Variants in SLC12A2 observed in about 807,000 individuals in gnomAD.
SLC12A2 encodes the protein Na-K-2Cl cotransporter 1.
Under a neutral mutation model 136.3 loss-of-function variants are expected in SLC12A2, and 67 were observed. The ratio of observed to expected loss-of-function variants is 0.49; its 90% CI spans 0.40 to 0.60. SLC12A2 has a LOEUF of 0.60. Ranked by LOEUF, SLC12A2 falls within the 20% of genes least tolerant of loss-of-function variation. SLC12A2 has a pLI of 0.00. For missense variants in SLC12A2, 1,322 were observed against 1,534.7 expected (o/e 0.86, Z 2.32); for synonymous variants, 619 against 562.9 (o/e 1.10, Z -1.41).
In SLC12A2 at chr5:128,084,828, G is replaced by GAATCCAGAGATGCCAGCAA; in HGVS notation, c.756+118_756+119insAATCCAGAGATGCCAGCAA. 1.8e-6 allele frequency: 2 copies of GAATCCAGAGATGCCAGCAA among 1,133,108 alleles called. No individual in the cohort carries two copies. The highest frequency in any genetic ancestry group is 2.4e-6 in the Non-Finnish European group (2 of 821,988). The allele number at this position is 1,133,108 out of a possible 1,614,324, so 70.2% of individuals were successfully genotyped here. ...GAGTAGTAGACGTGCACGACTTGCT[G>GAATCCAGAGATGCCAGCAA]GCATCTCTGGATTCAGCTGTCAAGG... On this transcript the variant is annotated intron_variant, in intron 1 of 26. Coordinates refer to ENST00000262461, the MANE Select transcript of SLC12A2 (RefSeq NM_001046.3). This position sits in a 1 kb window ranked among gnomAD's most constrained non-coding sequence, Gnocchi z 5.6.
At chr5:128,096,851 G>A (rs1023126427) in intron 1 of SLC12A2, among the ~76,000 whole-genome samples, 2 of 152,032 alleles carry the variant, frequency 1.3e-5, no homozygotes, top group African/African-American at 4.8e-5. Context: ...AAACGGCTTT[G>A]TGGTATCTTG....
At chr5:128,142,304 T>C (rs1248166353) in intron 10 of SLC12A2, among the ~76,000 whole-genome samples, 3 of 152,276 alleles carry the variant, frequency 2.0e-5, no homozygotes, top group South Asian at 2.1e-4. Flanking sequence ...GGTTTTACCA[T>C]GTTGGTTAGG....
intron 4 of SLC12A2, among the ~76,000 whole-genome samples, chr5:128,121,603 T>C (rs1228838941): frequency 1.3e-5 from 2 of 152,152 alleles, no homozygotes; most frequent in African/African-American, 4.8e-5. Context: ...ATTACAGGCT[T>C]GAGACACTGC....
intron 4 of SLC12A2, among the ~76,000 whole-genome samples, chr5:128,130,533 AAAGT>A (rs938432880): frequency 2.0e-5 from 3 of 150,524 alleles, no homozygotes; most frequent in African/African-American, 7.3e-5. Context: ...AAAAAAAAAA[AAAGT>A]CCGGTGTGGT....
intron 7 of SLC12A2, among the ~76,000 whole-genome samples, chr5:128,136,178 T>C (rs1762185802): frequency 6.6e-6 from 1 of 152,154 alleles, no homozygotes; most frequent in Non-Finnish European, 1.5e-5. Flanking sequence ...GCGCCTAAGA[T>C]TGTGAAAGCA....
chr5:128,188,685 T>G lies in SLC12A2; in HGVS notation c.*2054T>G, dbSNP rs1166131694. 2 of 149,384 alleles carry G rather than the reference T, an allele frequency of 1.3e-5. No homozygotes were observed. Among genetic ancestry groups the G allele is most frequent in the African/African-American group, 5.0e-5 (2 of 40,316 alleles). The allele number at this position is 149,384 out of a possible 1,614,324, so 9.3% of individuals were successfully genotyped here. ...CATGAGTATGACCTAGGTATAGAGA[T>G]CTGATAACTTGAATTCAGAATATTA... On this transcript the variant is annotated 3_prime_UTR_variant, in exon 27 of 27. Coordinates refer to ENST00000262461, the MANE Select transcript of SLC12A2 (RefSeq NM_001046.3).
At chr5:128,184,536 A>T in intron 25 of SLC12A2, 35 bp downstream of exon 25, 1 of 1,524,460 alleles carries the variant, frequency 6.6e-7, no homozygotes, top group Non-Finnish European at 8.8e-7. Context: ...TTAATCTTTT[A>T]TATAATAAAA....
Position 128,186,576 on chromosome 5 carries a change from C to T in SLC12A2, c.3584C>T (p.Pro1195Leu). 1.2e-6 allele frequency: 2 copies of T among 1,613,800 alleles called. No individual in the cohort carries two copies. The highest frequency in any genetic ancestry group is 1.7e-6 in the Non-Finnish European group (2 of 1,179,910). The change falls in exon 27 of 27, where the codon CCA becomes CTA. Residue 1195 changes from proline to leucine, a missense_variant. Physicochemically the swap from Pro to Leu is moderately conservative, Grantham distance 98 (BLOSUM62 -3). Transcript: ENST00000262461. The stretch of plus-strand genomic sequence containing the variant: ...TTAGAAGCTCTATCTAAGGACCTAC[C>T]ACCAATCCTCCTAGTTCGTGGGAAT... ...AWLEALSKDL[P>L]PILLVRGNHQ...
chr5:128,155,067 T>C (rs1441762873), intron 15 of SLC12A2, among the ~76,000 whole-genome samples: 1 of 152,084 alleles, frequency 6.6e-6, no homozygotes, highest in Non-Finnish European at 1.5e-5. Context: ...ACACAGGCAC[T>C]GCGATATGCA....
At chr5:128,109,719 A>G in intron 1 of SLC12A2, 5 of 1,169,898 alleles carry the variant, frequency 4.3e-6, no homozygotes, top group Non-Finnish European at 6.4e-6. Context: ...GCACCAGAGG[A>G]GCAATTCACT....
rs749800306 is a variant in SLC12A2 at position 128,135,736 on chromosome 5, A to G, written c.1336A>G (p.Ile446Val). Residue 446 changes from isoleucine (I) to valine (V), a missense_variant, in exon 7 of 27, where the codon ATT becomes GTT. Physicochemically the swap from Ile to Val is conservative, Grantham distance 29. Transcript: ENST00000262461. The stretch of plus-strand genomic sequence containing the variant: ...TCTTTTGGTGATCCTACTTCTTGCT[A>G]TTGGTGATTTCGTCATAGGAACATT... ...IVLLVILLLA[I>V]GDFVIGTFIP... is the part of the protein sequence containing the mutation. The G allele has an allele frequency of 1.9e-6, 3 of 1,612,344 alleles. No homozygotes were observed. The highest frequency in any genetic ancestry group is 1.1e-5 in the South Asian group (1 of 90,864).
chr5:128,093,049 T>C lies in SLC12A2; in HGVS notation c.756+8339T>C, dbSNP rs564870119. Among the ~76,000 whole-genome samples the C allele has an allele frequency of 9.2e-5, 14 of 152,318 alleles. 1 individual carries two copies. The highest frequency in any genetic ancestry group is 8.5e-4 in the Admixed American group (13 of 15,292). ...TCCTTACCTTTTACTCAAACTGCTG[T>C]AGTGTGGCTTCTATTTTGCATAAAT... On this transcript the variant is annotated intron_variant, in intron 1 of 26. Coordinates refer to ENST00000262461, the MANE Select transcript of SLC12A2 (RefSeq NM_001046.3).
Position 128,084,100 on chromosome 5 carries a change from C to T in SLC12A2, c.146C>T (p.Ala49Val). The T allele has an allele frequency of 7.6e-7, 1 of 1,312,804 alleles. No individual in the cohort carries two copies. Among genetic ancestry groups the T allele is most frequent in the Non-Finnish European group, 9.7e-7 (1 of 1,034,932 alleles). The allele number at this position is 1,312,804 out of a possible 1,614,324, so 81.3% of individuals were successfully genotyped here. ...VPSVPEDAAP[A>V]SRDGGGVRDE... ...TCGGTGCCGGAGGATGCTGCGCCCG[C>T]GAGCCGGGACGGCGGCGGGGTCCGC... The change falls in exon 1 of 27, where the codon GCG becomes GTG. Residue 49 changes from alanine (A) to valine (V), a missense_variant. Ala to Val is a moderately conservative substitution (Grantham distance 64, BLOSUM62 0). Coordinates refer to ENST00000262461, the MANE Select transcript of SLC12A2 (RefSeq NM_001046.3). The surrounding 1 kb of genome is among the most constrained non-coding windows in gnomAD (Gnocchi z 5.6).
chr5:128,164,686 A>G lies in SLC12A2; in HGVS notation c.2616+2886A>G, dbSNP rs192898781. 1.2e-4 allele frequency among the ~76,000 whole-genome samples: 19 copies of G among 152,238 alleles called. No homozygotes were observed. The East Asian group carries it at 3.5e-3, about 28-fold the overall frequency. ...ATTTGTTTGTACAGTGACTTTTTGTATAGTTGTAGAGATGCTGTTTTTAGA... is the reference window on the plus strand; with the variant it reads ...ATTTGTTTGTACAGTGACTTTTTGTGTAGTTGTAGAGATGCTGTTTTTAGA... On this transcript the variant is annotated intron_variant, in intron 17 of 26. Transcript: ENST00000262461.
intron 4 of SLC12A2, among the ~76,000 whole-genome samples, chr5:128,118,627 G>T (rs1365667898): frequency 6.6e-6 from 1 of 152,142 alleles, no homozygotes. Context: ...TGGGTATAGT[G>T]TATGCTGCTT....
intron 1 of SLC12A2, among the ~76,000 whole-genome samples, chr5:128,101,277 C>T (rs1317247839): frequency 6.6e-6 from 1 of 151,992 alleles, no homozygotes; most frequent in Admixed American, 6.6e-5. Context: ...AGAATAAAAC[C>T]GGCCACTTTG....
At chr5:128,087,074 A>G (rs919600024) in intron 1 of SLC12A2, among the ~76,000 whole-genome samples, 27 of 152,264 alleles carry the variant, frequency 1.8e-4, no homozygotes, top group African/African-American at 6.5e-4. Flanking sequence ...TTGTTAGGGA[A>G]AAGGACTGGA....
At chr5:128,100,496 A>T (rs985535243) in intron 1 of SLC12A2, among the ~76,000 whole-genome samples, 3 of 152,152 alleles carry the variant, frequency 2.0e-5, no homozygotes, top group African/African-American at 7.2e-5. Context: ...AAATCTGAAA[A>T]TATCTGAAAT....
chr5:128,086,836 G>A (rs555351338), intron 1 of SLC12A2, among the ~76,000 whole-genome samples: 1 of 152,300 alleles, frequency 6.6e-6, no homozygotes, highest in African/African-American at 2.4e-5. Flanking sequence ...ATCCCCAGAA[G>A]TTGTCCCTTA....
Sources: allele counts gnomAD v4.1 joint callset (sites outside exome capture counted in the v4.1 genomes callset), GRCh38; gene constraint gnomAD v4.1.1; non-coding constraint Gnocchi (gnomAD v3.1); transcripts MANE v1.5; gene names NCBI Gene and HGNC (gene_info 2026-07-23, HGNC 2026-07-21).